CSMD2: variants seen among roughly 807,000 people sequenced by gnomAD.
CSMD2 encodes the protein CUB and sushi domain-containing protein 2.
CSMD2 carries 130 observed loss-of-function variants against 398.5 expected under a neutral mutation model. That is an observed-to-expected ratio of 0.33 (90% confidence interval 0.28 to 0.38). The LOEUF (loss-of-function observed/expected upper bound fraction) is 0.38. Among genes scored for constraint, CSMD2 ranks in the 10% least tolerant of loss-of-function variants. The pLI, the probability that CSMD2 is intolerant of heterozygous loss-of-function variation, is 1.00. For missense variants in CSMD2, 3,829 were observed against 4,764.9 expected (o/e 0.80, Z 5.78); for synonymous variants, 1,828 against 1,908.5 (o/e 0.96, Z 1.10).
intron 9 of CSMD2, 117 bp downstream of exon 9, chr1:33,819,596 G>A (rs983950972): frequency 2.3e-5 from 19 of 842,560 alleles, no homozygotes; most frequent in South Asian, 2.2e-4. Context: ...CAGGGAGTGA[G>A]GGGGGAGGGG....
At chr1:33,965,930 T>G (rs1181424648) in intron 3 of CSMD2, among the ~76,000 whole-genome samples, 1 of 152,160 alleles carries the variant, frequency 6.6e-6, no homozygotes, top group Non-Finnish European at 1.5e-5. Context: ...TCTCAGGGAA[T>G]CACAGTCTAA....
chr1:33,917,365 G>C (rs1204158838), intron 5 of CSMD2, among the ~76,000 whole-genome samples: 1 of 152,188 alleles, frequency 6.6e-6, no homozygotes, highest in Non-Finnish European at 1.5e-5. Context: ...GAATACAAGA[G>C]AGTGTTCCAA....
At chr1:33,584,975 C>T (rs1638979473) in intron 46 of CSMD2, among the ~76,000 whole-genome samples, 1 of 152,144 alleles carries the variant, frequency 6.6e-6, no homozygotes, top group South Asian at 2.1e-4. Context: ...TTCCCCAGCA[C>T]TGAGGAGATG....
At chr1:33,932,043 A>G (rs1644329613) in intron 4 of CSMD2, among the ~76,000 whole-genome samples, 1 of 152,140 alleles carries the variant, frequency 6.6e-6, no homozygotes, top group Non-Finnish European at 1.5e-5. Flanking sequence ...TGCGATGTGA[A>G]CAGCAAGAAA....
chr1:33,660,110 C>T (rs1644084085), intron 26 of CSMD2, among the ~76,000 whole-genome samples: 1 of 152,150 alleles, frequency 6.6e-6, no homozygotes, highest in South Asian at 2.1e-4. Context: ...CAATAGAGTA[C>T]AATGATTAGC....
chr1:33,591,218 C>T (rs1278703987), intron 44 of CSMD2, among the ~76,000 whole-genome samples: 1 of 151,990 alleles, frequency 6.6e-6, no homozygotes, highest in Non-Finnish European at 1.5e-5. Context: ...GAACTGCCAA[C>T]CTCAGGTGAT....
intron 41 of CSMD2, 82 bp from the exon 42 acceptor site, chr1:33,605,552 C>T: frequency 7.0e-7 from 1 of 1,419,850 alleles, no homozygotes; most frequent in Non-Finnish European, 9.8e-7. Context: ...GGTGAAGCCT[C>T]AAGATTTGGA....
intron 10 of CSMD2, among the ~76,000 whole-genome samples, chr1:33,802,171 G>A (rs1363366639): frequency 6.6e-6 from 1 of 152,176 alleles, no homozygotes; most frequent in Admixed American, 6.5e-5. Context: ...GGTCAACATT[G>A]CCCGAGGACA....
chr1:34,122,734 T>C (rs1353494555), intron 1 of CSMD2, among the ~76,000 whole-genome samples: 1 of 152,186 alleles, frequency 6.6e-6, no homozygotes, highest in Non-Finnish European at 1.5e-5. Flanking sequence ...TCTCATGAAA[T>C]TCCTACACCC....
intron 12 of CSMD2, among the ~76,000 whole-genome samples, chr1:33,783,743 G>A (rs1653139326): frequency 6.6e-6 from 1 of 152,152 alleles, no homozygotes; most frequent in African/African-American, 2.4e-5. Context: ...CCGGCCTTCT[G>A]TTATGGGGTG....
At chr1:34,016,072 ATATTT>A (rs754939559) in intron 3 of CSMD2, among the ~76,000 whole-genome samples, 8 of 151,748 alleles carry the variant, frequency 5.3e-5, no homozygotes, top group Admixed American at 1.3e-4. Context: ...ATGTGCATGA[ATATTT>A]TATTTATATA....
At chr1:34,132,281 TA>T (rs1179320508) in intron 1 of CSMD2, among the ~76,000 whole-genome samples, 2 of 152,048 alleles carry the variant, frequency 1.3e-5, no homozygotes, top group East Asian at 1.9e-4. Flanking sequence ...CTTCCCCTAA[TA>T]AAGCCCCGAT....
intron 45 of CSMD2, 60 bp downstream of exon 45, chr1:33,587,028 C>T (rs2148749632): frequency 7.3e-7 from 1 of 1,375,694 alleles, no homozygotes; most frequent in Non-Finnish European, 1.0e-6. Flanking sequence ...CTCCCCCCGC[C>T]ACCTTCCCTT....
intron 25 of CSMD2, among the ~76,000 whole-genome samples, chr1:33,684,468 C>T (rs975785696): frequency 6.6e-6 from 1 of 152,174 alleles, no homozygotes; most frequent in Non-Finnish European, 1.5e-5. Context: ...TCTTCCTTCC[C>T]CCTCCACGAA....
intron 7 of CSMD2, among the ~76,000 whole-genome samples, chr1:33,824,046 G>A (rs1338393487): frequency 6.6e-6 from 1 of 152,170 alleles, no homozygotes; most frequent in Non-Finnish European, 1.5e-5. Flanking sequence ...GGAAGGCAGG[G>A]TAGGATTTTG....
chr1:33,786,514 T>G lies in CSMD2; in HGVS notation c.1663+2086A>C, dbSNP rs79832139. Among the ~76,000 whole-genome samples the G allele has an allele frequency of 9.3e-4, 142 of 152,356 alleles. 2 individuals carry two copies. The East Asian group carries it at 0.022, about 24-fold the overall frequency. On this transcript the variant is annotated intron_variant, in intron 12 of 70. Coordinates refer to ENST00000373381, the MANE Select transcript of CSMD2 (RefSeq NM_001281956.2). ...TTTATGCACCGGAACAGCCCGCTCA[T>G]TGAACTACCTGTGTACTGGCTCATT... is the stretch of plus-strand genomic sequence containing the variant.
At chr1:33,890,185 G>C (rs1286153754) in intron 5 of CSMD2, among the ~76,000 whole-genome samples, 6 of 150,442 alleles carry the variant, frequency 4.0e-5, no homozygotes, top group African/African-American at 1.5e-4. Context: ...GTCTGCTTTT[G>C]TGGGGATCTA....
At chr1:33,895,047 C>T (rs1642285706) in intron 5 of CSMD2, among the ~76,000 whole-genome samples, 1 of 152,170 alleles carries the variant, frequency 6.6e-6, no homozygotes, top group Admixed American at 6.5e-5. Flanking sequence ...AATTCTTGCC[C>T]ACCTCAGTCA....
intron 22 of CSMD2, among the ~76,000 whole-genome samples, chr1:33,707,265 T>C (rs1439259452): frequency 6.6e-6 from 1 of 152,176 alleles, no homozygotes; most frequent in African/African-American, 2.4e-5. Flanking sequence ...ACCTGAAAAT[T>C]GTAAACTATG....
Sources: gnomAD v4.1 joint callset for allele counts (sites outside exome capture counted in the v4.1 genomes callset) on GRCh38, gnomAD v4.1.1 for gene constraint, MANE v1.5 for transcripts, NCBI Gene and HGNC (gene_info 2026-07-23, HGNC 2026-07-21) for gene names.